MMRN1: variants seen among roughly 807,000 people sequenced by gnomAD.
MMRN1 encodes the protein multimerin-1.
MMRN1 carries 94 observed loss-of-function variants against 100.7 expected under a neutral mutation model. That is an observed-to-expected ratio of 0.93 (90% confidence interval 0.79 to 1.11). The LOEUF (loss-of-function observed/expected upper bound fraction) is 1.11. Among genes scored for constraint, MMRN1 ranks in the 50% least tolerant of loss-of-function variants. The pLI, the probability that MMRN1 is intolerant of heterozygous loss-of-function variation, is 0.00. For missense variants in MMRN1, 1,606 were observed against 1,439.1 expected (o/e 1.12, Z -1.88); for synonymous variants, 575 against 505.0 (o/e 1.14, Z -1.86).
intron 6 of MMRN1, among the ~76,000 whole-genome samples, chr4:89,948,314 C>T (rs750877951): frequency 3.3e-5 from 5 of 151,870 alleles, no homozygotes; most frequent in African/African-American, 7.3e-5. Flanking sequence ...CTTGGAGGAA[C>T]GCATGAGACA....
intron 1 of MMRN1, among the ~76,000 whole-genome samples, chr4:89,881,155 G>C (rs566527933): frequency 1.3e-5 from 2 of 152,134 alleles, no homozygotes; most frequent in South Asian, 4.2e-4. Flanking sequence ...AACACAGTTT[G>C]CATACAGTAA....
At chr4:89,909,036 T>G (rs1462942078) in intron 1 of MMRN1, among the ~76,000 whole-genome samples, 1 of 151,502 alleles carries the variant, frequency 6.6e-6, no homozygotes, top group Non-Finnish European at 1.5e-5. Flanking sequence ...TCATTTTAGC[T>G]TTGATTTATT....
intron 3 of MMRN1, among the ~76,000 whole-genome samples, chr4:89,922,707 T>G (rs1368413724): frequency 6.6e-6 from 1 of 152,134 alleles, no homozygotes; most frequent in African/African-American, 2.4e-5. Context: ...ATTAATGAAA[T>G]AGCTATTTTT....
intron 1 of MMRN1, among the ~76,000 whole-genome samples, chr4:89,897,823 C>G (rs1721257818): frequency 6.6e-6 from 1 of 151,966 alleles, no homozygotes; most frequent in Non-Finnish European, 1.5e-5. Flanking sequence ...AGGAATATTC[C>G]CTATAAAAAG....
At chr4:89,896,840 C>T (rs6812593) in intron 1 of MMRN1, among the ~76,000 whole-genome samples, 63,234 of 151,790 alleles carry the variant, frequency 0.42, 13,602 homozygotes, top group Admixed American at 0.47. Flanking sequence ...TAGAATTTTT[C>T]GAAATATATA....
intron 6 of MMRN1, 116 bp from the exon 7 acceptor site, chr4:89,951,489 C>G: frequency 9.0e-7 from 1 of 1,111,586 alleles, no homozygotes; most frequent in Non-Finnish European, 1.2e-6. Context: ...CCGTGGAGCC[C>G]ATTTTTCTTA....
chr4:89,915,685 G>A (rs953128514), intron 3 of MMRN1, among the ~76,000 whole-genome samples: 6 of 151,516 alleles, frequency 4.0e-5, no homozygotes, highest in Non-Finnish European at 5.9e-5. Context: ...GATCTGTCAA[G>A]GTCAGGGCTT....
intron 1 of MMRN1, among the ~76,000 whole-genome samples, chr4:89,907,309 T>C (rs978102470): frequency 6.6e-6 from 1 of 151,568 alleles, no homozygotes; most frequent in African/African-American, 2.4e-5. Flanking sequence ...ATTTTAAACA[T>C]CACATTCAAA....
chr4:89,908,707 T>A (rs1468113655), intron 1 of MMRN1, among the ~76,000 whole-genome samples: 2 of 151,536 alleles, frequency 1.3e-5, no homozygotes, highest in African/African-American at 4.8e-5. Flanking sequence ...ATTGAATTAA[T>A]ATAAATTAGT....
Position 89,909,280 on chromosome 4 carries a change from T to G in MMRN1, c.628T>G (p.Trp210Gly). ...AACAATTATGATCTTCTTTAGGAAT[T>G]GGTGTGCTTATGTACATACCAGGTT... ...SNFETTRGKNWCAYVHTRLSP... is the reference protein window; with the variant it reads ...SNFETTRGKNGCAYVHTRLSP... The change falls in exon 2 of 8, where the codon TGG becomes GGG. Residue 210 changes from tryptophan (W) to glycine (G), a missense_variant. By Grantham distance (184) the Trp-to-Gly change is radical (BLOSUM62 -2). Coordinates refer to ENST00000264790, the MANE Select transcript of MMRN1 (RefSeq NM_007351.3). 10 of 1,592,204 alleles carry G rather than the reference T, an allele frequency of 6.3e-6. No individual in the cohort carries two copies. Among genetic ancestry groups the G allele is most frequent in the Non-Finnish European group, 8.5e-6 (10 of 1,169,620 alleles).
At chr4:89,949,498 T>C (rs1198716120) in intron 6 of MMRN1, among the ~76,000 whole-genome samples, 1 of 152,204 alleles carries the variant, frequency 6.6e-6, no homozygotes, top group Non-Finnish European at 1.5e-5. Flanking sequence ...TGAAAAGTCA[T>C]TGATGTTTTT....
At chr4:89,917,081 A>C (rs1235828961) in intron 3 of MMRN1, among the ~76,000 whole-genome samples, 2 of 151,402 alleles carry the variant, frequency 1.3e-5, no homozygotes, top group Non-Finnish European at 3.0e-5. Flanking sequence ...AAATCCCCCC[A>C]CACATCCTCG....
intron 3 of MMRN1, among the ~76,000 whole-genome samples, chr4:89,920,824 GT>G (rs1050044483): frequency 2.0e-5 from 3 of 150,554 alleles, no homozygotes; most frequent in Admixed American, 6.6e-5. Context: ...TTGTTTGTTT[GT>G]TTTTTTTAAA....
At position 89,895,407 on chromosome 4, in the gene MMRN1, G is replaced by A. The variant is rs764981190; in HGVS notation, c.436G>A (p.Ala146Thr). 6.2e-7 allele frequency: 1 copy of A among 1,613,868 alleles called. No homozygotes were observed. Among genetic ancestry groups the A allele is most frequent in the South Asian group, 1.1e-5 (1 of 91,074 alleles). The change falls in exon 1 of 8, where the codon GCC becomes ACC. Residue 146 changes from alanine to threonine, a missense_variant. Ala to Thr is a moderately conservative substitution (Grantham distance 58, BLOSUM62 0). Coordinates refer to ENST00000264790, the MANE Select transcript of MMRN1 (RefSeq NM_007351.3). ...NSTLKFLQSF[A>T]RKSNEQATSL... ...TACACTGAAATTTCTTCAGAGCTTT[G>A]CCAGAAAGTCAAATGAACAAGCAAC... is the stretch of plus-strand genomic sequence containing the variant.
chr4:89,945,968 C>A (rs550798429), intron 6 of MMRN1, among the ~76,000 whole-genome samples: 7 of 152,060 alleles, frequency 4.6e-5, no homozygotes, highest in Non-Finnish European at 1.0e-4. Flanking sequence ...CCAAAGAACA[C>A]AATGTTAGTA....
At position 89,936,063 on chromosome 4, in the gene MMRN1, A is replaced by T; in HGVS notation, c.2383A>T (p.Arg795Ter). The change falls in exon 6 of 8, where the codon AGA (arginine) becomes TGA (stop). Residue 795 changes from arginine (R) to a stop codon, truncating the protein, a stop_gained. Coordinates refer to ENST00000264790, the MANE Select transcript of MMRN1 (RefSeq NM_007351.3). LOFTEE classifies it high-confidence loss of function. ...SIQTLVNDNQRYNFVLQVAKT... is the reference protein window; with the variant it reads ...SIQTLVNDNQ ...TCAGACTTTGGTCAATGACAATCAG[A>T]GATATAACTTTGTTTTGCAAGTCGC... 6.2e-7 allele frequency: 1 copy of T among 1,611,800 alleles called. No homozygotes were observed.
In MMRN1 at chr4:89,935,777, C is replaced by T. The variant is rs771245362; in HGVS notation, c.2097C>T (p.His699=). The change falls in exon 6 of 8, where the codon CAC becomes CAT. Residue 699 remains histidine, a synonymous_variant. Transcript: ENST00000264790. ...TTATCAAAGAACTTACAAAAAGACACAACTTACTTAGAAATGAAGTACAGG... is the reference window on the plus strand; with the variant it reads ...TTATCAAAGAACTTACAAAAAGACATAACTTACTTAGAAATGAAGTACAGG... The part of the protein sequence containing the change: ...NFIIKELTKR[H]NLLRNEVQGR... 3 of 1,612,686 alleles carry T rather than the reference C, an allele frequency of 1.9e-6. No homozygotes were observed. The highest frequency in any genetic ancestry group is 2.5e-6 in the Non-Finnish European group (3 of 1,179,536).
chr4:89,887,081 C>T (rs988682651), intron 1 of MMRN1, among the ~76,000 whole-genome samples: 2 of 151,982 alleles, frequency 1.3e-5, no homozygotes, highest in Non-Finnish European at 2.9e-5. Context: ...TGTTTTAGCT[C>T]CCACAAATTA....
In MMRN1 at chr4:89,930,091, AC is replaced by A. The variant is rs552559562; in HGVS notation, c.1129+2124del. Among the ~76,000 whole-genome samples, 621 of 152,266 alleles carry A rather than the reference AC, an allele frequency of 4.1e-3. 6 individuals carry two copies. Among genetic ancestry groups the A allele is most frequent in the African/African-American group, 0.014 (601 of 41,558 alleles). ...CTAAGAAAGTGGAAGCATATGAGTC[AC>A]AGGAAACAGAAACAAACAGAATTAA... On this transcript the variant is annotated intron_variant, in intron 5 of 7. Coordinates refer to ENST00000264790, the MANE Select transcript of MMRN1 (RefSeq NM_007351.3).
Sources: allele counts gnomAD v4.1 joint callset (sites outside exome capture counted in the v4.1 genomes callset), GRCh38; gene constraint gnomAD v4.1.1; transcripts MANE v1.5; gene names NCBI Gene and HGNC (gene_info 2026-07-23, HGNC 2026-07-21).